The following DTNB variants were observed in gnomAD, a reference collection of about 807,000 sequenced individuals.
DTNB encodes DTN-B.
Under a neutral mutation model 90.7 loss-of-function variants are expected in DTNB, and 63 were observed. The ratio of observed to expected loss-of-function variants is 0.69; its 90% confidence interval spans 0.57 to 0.86. DTNB has a LOEUF of 0.86. DTNB is among the 40% of genes least tolerant of loss of function. The pLI is 0.00. For synonymous variants in DTNB, 277 were observed against 286.7 expected (o/e 0.97, Z 0.34); for missense variants, 744 against 807.1 (o/e 0.92, Z 0.95).
rs550980502 is a variant in DTNB at position 25,387,435 on chromosome 2, G to A, written c.1736-57C>T. On this transcript the variant is annotated intron_variant, in intron 17 of 20. Coordinates refer to ENST00000406818, the MANE Select transcript of DTNB (RefSeq NM_021907.5). This position sits in a 1 kb window ranked among gnomAD's most constrained non-coding sequence, Gnocchi z 4.5. ...GGGTGGGTGAGCGTGGAGAAGAGAC[G>A]GCTGAGCAAATGCCTCAGTTCTGCC... The A allele has an allele frequency of 1.8e-5, 28 of 1,539,362 alleles. No individual in the cohort carries two copies. Among genetic ancestry groups the A allele is most frequent in the East Asian group, 2.3e-5 (1 of 44,100 alleles).
Position 25,538,224 on chromosome 2 carries a change from A to ACAG in DTNB, c.877-6628_877-6627insCTG, listed in dbSNP as rs1439811422. 3.9e-3 allele frequency among the ~76,000 whole-genome samples: 592 copies of ACAG among 152,156 alleles called. 2 individuals carry two copies. The highest frequency in any genetic ancestry group is 0.013 in the African/African-American group (552 of 41,504). Reference sequence around the variant, plus strand: ...ACAGCAAGACTCCATCTCAAAAACAACAACAACAAAAAATATATATATATC... The same window carrying ACAG: ...ACAGCAAGACTCCATCTCAAAAACAACAGCAACAACAAAAAATATATATATATC... On this transcript the variant is annotated intron_variant, in intron 8 of 20. Transcript: ENST00000406818.
At chr2:25,440,175 G>C (rs1041240261) in intron 12 of DTNB, among the ~76,000 whole-genome samples, 3 of 152,178 alleles carry the variant, frequency 2.0e-5, no homozygotes, top group African/African-American at 7.2e-5. Flanking sequence ...GAAGGGTCTC[G>C]GCTTCCTGTG....
At chr2:25,558,452 G>C in intron 8 of DTNB, 1 of 972,560 alleles carries the variant, frequency 1.0e-6, no homozygotes, top group Non-Finnish European at 1.2e-6. Context: ...AAGGGCTGTG[G>C]CTAAGTGATG....
chr2:25,457,998 TA>T (rs2060309220), intron 10 of DTNB, among the ~76,000 whole-genome samples: 2 of 152,010 alleles, frequency 1.3e-5, no homozygotes, highest in South Asian at 4.2e-4. Flanking sequence ...CATGCTCAGC[TA>T]ATTTTTTGTA....
intron 4 of DTNB, among the ~76,000 whole-genome samples, chr2:25,610,982 T>C (rs923146377): frequency 1.3e-5 from 2 of 152,240 alleles, no homozygotes; most frequent in South Asian, 2.1e-4. Flanking sequence ...AGTGCTGGGA[T>C]TGCAGGCGTG....
chr2:25,495,072 CTTTT>C (rs894568051), intron 9 of DTNB, among the ~76,000 whole-genome samples: 2 of 147,476 alleles, frequency 1.4e-5, no homozygotes, highest in Non-Finnish European at 3.0e-5. Flanking sequence ...TGGTATTTCT[CTTTT>C]TTTTTTTGAG....
chr2:25,573,236 A>G (rs1384001627), intron 8 of DTNB, among the ~76,000 whole-genome samples: 1 of 152,128 alleles, frequency 6.6e-6, no homozygotes, highest in African/African-American at 2.4e-5. Context: ...GTGAGCCACC[A>G]TGCCCGGCCC....
At chr2:25,520,808 A>G (rs1288063749) in intron 9 of DTNB, among the ~76,000 whole-genome samples, 1 of 152,254 alleles carries the variant, frequency 6.6e-6, no homozygotes, top group Admixed American at 6.5e-5. Context: ...CTAAGTCAGT[A>G]TTAAACAGAA....
intron 4 of DTNB, among the ~76,000 whole-genome samples, chr2:25,611,701 C>G (rs987214443): frequency 5.3e-5 from 8 of 152,096 alleles, no homozygotes; most frequent in African/African-American, 1.7e-4. Flanking sequence ...TATCTGGGAA[C>G]TGTGGCGCAT....
intron 16 of DTNB, among the ~76,000 whole-genome samples, chr2:25,394,578 A>T (rs755523421): frequency 2.0e-5 from 3 of 152,220 alleles, no homozygotes; most frequent in Admixed American, 6.5e-5. Context: ...GGCTAAGGAC[A>T]TGAATAGAAA....
intron 3 of DTNB, among the ~76,000 whole-genome samples, chr2:25,632,850 A>G (rs2076067914): frequency 6.6e-6 from 1 of 152,210 alleles, no homozygotes; most frequent in Non-Finnish European, 1.5e-5. Context: ...TGCCACAAAC[A>G]TATTACTTAA....
chr2:25,627,137 G>C (rs1435621096), intron 4 of DTNB, among the ~76,000 whole-genome samples: 1 of 152,230 alleles, frequency 6.6e-6, no homozygotes, highest in Non-Finnish European at 1.5e-5. Flanking sequence ...GTTTGGCCAG[G>C]TGTGGTGGCT....
At chr2:25,662,143 G>A (rs1217655995) in intron 1 of DTNB, among the ~76,000 whole-genome samples, 9 of 143,866 alleles carry the variant, frequency 6.3e-5, no homozygotes, top group East Asian at 2.2e-4. Context: ...GTGACAGAGC[G>A]AGACTCCGTC....
At chr2:25,625,374 G>A (rs2073884168) in intron 4 of DTNB, among the ~76,000 whole-genome samples, 1 of 151,948 alleles carries the variant, frequency 6.6e-6, no homozygotes, top group Non-Finnish European at 1.5e-5. Flanking sequence ...TCCAACACAA[G>A]AAGGTCAATT....
chr2:25,503,761 C>CAAA (rs2071477441), intron 9 of DTNB, among the ~76,000 whole-genome samples: 1 of 150,802 alleles, frequency 6.6e-6, no homozygotes, highest in Non-Finnish European at 1.5e-5. Context: ...AAAAACAATA[C>CAAA]AAAAAATTAG....
At chr2:25,650,313 T>A in intron 2 of DTNB, 1 of 874,994 alleles carries the variant, frequency 1.1e-6, no homozygotes, top group Non-Finnish European at 1.4e-6. Flanking sequence ...TTCTCCTCTG[T>A]AGCCCTAGCA....
chr2:25,458,089 T>C (rs1397133021), intron 10 of DTNB, among the ~76,000 whole-genome samples: 1 of 152,128 alleles, frequency 6.6e-6, no homozygotes, highest in African/African-American at 2.4e-5. Context: ...CACCTCTGCC[T>C]CCCAAAGTGC....
intron 10 of DTNB, among the ~76,000 whole-genome samples, chr2:25,461,992 C>T (rs528511697): frequency 2.0e-5 from 3 of 152,312 alleles, no homozygotes; most frequent in South Asian, 2.1e-4. Flanking sequence ...TAAGCCAATG[C>T]TAATGATGAC....
chr2:25,566,672 CTAATAGTCGATAGTCAAT>C (rs2059088407), intron 8 of DTNB, among the ~76,000 whole-genome samples: 1 of 152,124 alleles, frequency 6.6e-6, no homozygotes, highest in African/African-American at 2.4e-5. Context: ...TAGTCAATCC[CTAATAGTCGATAGTCAAT>C]TGACCCTAAT....
Sources: gnomAD v4.1 joint callset for allele counts (sites outside exome capture counted in the v4.1 genomes callset) on GRCh38, gnomAD v4.1.1 for gene constraint, Gnocchi (gnomAD v3.1) non-coding constraint, MANE v1.5 for transcripts, NCBI Gene and HGNC (gene_info 2026-07-23, HGNC 2026-07-21) for gene names.